The following SH3RF3 variants were observed in gnomAD, a reference collection of about 807,000 sequenced individuals.
SH3RF3 encodes the protein E3 ubiquitin-protein ligase SH3RF3.
SH3RF3 carries 29 observed loss-of-function variants against 66.3 expected under a neutral mutation model. The ratio of observed to expected loss-of-function variants is 0.44; its 90% CI spans 0.33 to 0.60. The LOEUF (loss-of-function observed/expected upper bound fraction) is 0.60, where lower values mean the gene tolerates loss of function less well. SH3RF3 is among the 20% of genes least tolerant of loss of function. SH3RF3 has a pLI of 0.04. For synonymous variants in SH3RF3, 583 were observed against 532.0 expected, an observed-to-expected ratio of 1.10 and a Z score of -1.32; for missense variants, 1,194 against 1,190.9, an observed-to-expected ratio of 1.00 and a Z score of -0.04.
chr2:109,188,195 C>G (rs545105228), intron 1 of SH3RF3, among the ~76,000 whole-genome samples: 1 of 152,228 alleles, frequency 6.6e-6, no homozygotes, highest in Non-Finnish European at 1.5e-5. Flanking sequence ...TCCCTGGGCC[C>G]GAAGGGCTTT....
At chr2:109,487,436 T>C (rs1679013776) in intron 8 of SH3RF3, among the ~76,000 whole-genome samples, 1 of 152,232 alleles carries the variant, frequency 6.6e-6, no homozygotes, top group African/African-American at 2.4e-5. Flanking sequence ...TGGTAATAAC[T>C]GATGCTTAAG....
chr2:109,436,907 G>T lies in SH3RF3; in HGVS notation c.1589G>T (p.Gly530Val). 6.2e-7 allele frequency: 1 copy of T among 1,613,448 alleles called. No homozygotes were observed. Among genetic ancestry groups the T allele is most frequent in the Non-Finnish European group, 8.5e-7 (1 of 1,179,842 alleles). ...VTPVSRVPAGGAGPPRNNVVG... is the reference protein window; with the variant it reads ...VTPVSRVPAGVAGPPRNNVVG... ...TCTCTCCACAGGGTGCCTGCAGGAG[G>T]GGCAGGGCCGCCCCGGAATAATGTA... The change falls in exon 7 of 10, where the codon GGG becomes GTG. Residue 530 changes from glycine (G) to valine (V), a missense_variant. By Grantham distance (109) the Gly-to-Val change is moderately radical. Coordinates refer to ENST00000309415, the MANE Select transcript of SH3RF3 (RefSeq NM_001099289.3).
At chr2:109,393,006 G>A (rs973165656) in intron 3 of SH3RF3, among the ~76,000 whole-genome samples, 4 of 152,168 alleles carry the variant, frequency 2.6e-5, no homozygotes, top group African/African-American at 4.8e-5. Context: ...GAAGAATGAC[G>A]TGTTTTACAA....
chr2:109,331,135 G>A (rs1315644436), intron 1 of SH3RF3, among the ~76,000 whole-genome samples: 2 of 152,156 alleles, frequency 1.3e-5, no homozygotes, highest in Non-Finnish European at 2.9e-5. Flanking sequence ...ACTCAAAAGC[G>A]GTTTCATTCT....
intron 1 of SH3RF3, among the ~76,000 whole-genome samples, chr2:109,167,520 AT>A (rs1397918262): frequency 1.3e-5 from 2 of 152,132 alleles, no homozygotes; most frequent in African/African-American, 2.4e-5. Context: ...TTCCCCAGTC[AT>A]CCCCCATTGG....
At chr2:109,304,871 T>G (rs1177366099) in intron 1 of SH3RF3, among the ~76,000 whole-genome samples, 1 of 152,150 alleles carries the variant, frequency 6.6e-6, no homozygotes, top group African/African-American at 2.4e-5. Flanking sequence ...AGAGCCACCT[T>G]AGAAGACATG....
At position 109,401,348 on chromosome 2, in the gene SH3RF3, C is replaced by A. The variant is rs531596043; in HGVS notation, c.1299+2405C>A. ...CCCTAAGAAGAGGACTGAGGAGCAG[C>A]GGCCTGGCCCTTGTGGACCACTTGG... On this transcript the variant is annotated intron_variant, in intron 4 of 9. Transcript: ENST00000309415. Among the ~76,000 whole-genome samples, 9 of 152,322 alleles carry A rather than the reference C, an allele frequency of 5.9e-5. No homozygotes were observed. The South Asian group carries it at 1.5e-3, about 25-fold the overall frequency.
At chr2:109,415,445 C>T (rs753994214) in intron 4 of SH3RF3, among the ~76,000 whole-genome samples, 3 of 152,172 alleles carry the variant, frequency 2.0e-5, no homozygotes, top group Non-Finnish European at 4.4e-5. Flanking sequence ...CTGCACAGGG[C>T]GAGTGCTACC....
intron 1 of SH3RF3, among the ~76,000 whole-genome samples, chr2:109,236,226 A>G (rs369698474): frequency 7.2e-5 from 11 of 152,240 alleles, no homozygotes; most frequent in African/African-American, 2.4e-4. Context: ...ACAATGTAAT[A>G]TACTTGCCTT....
intron 5 of SH3RF3, among the ~76,000 whole-genome samples, chr2:109,421,022 C>T (rs191637872): frequency 6.6e-6 from 1 of 152,310 alleles, no homozygotes; most frequent in Admixed American, 6.5e-5. Flanking sequence ...TTTTCACCAG[C>T]ACTGGACAAA....
At chr2:109,161,720 T>C (rs1306041121) in intron 1 of SH3RF3, among the ~76,000 whole-genome samples, 2 of 151,824 alleles carry the variant, frequency 1.3e-5, no homozygotes, top group Non-Finnish European at 2.9e-5. Context: ...GAGCAGGACA[T>C]GCCAGGCTTT....
chr2:109,371,886 G>A (rs762837355), intron 3 of SH3RF3, among the ~76,000 whole-genome samples: 11 of 152,292 alleles, frequency 7.2e-5, no homozygotes, highest in Middle Eastern at 6.8e-3. Context: ...AGTTTTGAGT[G>A]GCTGGTCCCA....
At chr2:109,333,480 C>T (rs1682334203) in intron 1 of SH3RF3, among the ~76,000 whole-genome samples, 1 of 152,198 alleles carries the variant, frequency 6.6e-6, no homozygotes, top group African/African-American at 2.4e-5. Context: ...TCACAGTCTA[C>T]AAAGTGAGGT....
intron 1 of SH3RF3, among the ~76,000 whole-genome samples, chr2:109,318,412 G>C (rs1201061187): frequency 6.6e-6 from 1 of 152,156 alleles, no homozygotes; most frequent in Admixed American, 6.5e-5. Flanking sequence ...AGCGCCAGAA[G>C]ATTAGGAGGG....
At chr2:109,318,465 A>G (rs1242256921) in intron 1 of SH3RF3, among the ~76,000 whole-genome samples, 2 of 152,210 alleles carry the variant, frequency 1.3e-5, no homozygotes, top group Non-Finnish European at 2.9e-5. Context: ...GGCTCTCGGC[A>G]TACGCGTTTA....
chr2:109,240,914 T>A (rs1679765693), intron 1 of SH3RF3, among the ~76,000 whole-genome samples: 1 of 138,352 alleles, frequency 7.2e-6, no homozygotes, highest in Non-Finnish European at 1.5e-5. Flanking sequence ...TGCTCCCCGC[T>A]TCTTTTCTCA....
At chr2:109,347,631 G>C (rs370722614) in intron 1 of SH3RF3, 43 bp from the exon 2 acceptor site, 2 of 1,594,372 alleles carry the variant, frequency 1.3e-6, no homozygotes, top group African/African-American at 1.3e-5. Flanking sequence ...GGGGCATTGG[G>C]AAGGGGCATG....
chr2:109,423,390 G>A (rs116708490), intron 5 of SH3RF3, among the ~76,000 whole-genome samples: 1,688 of 152,218 alleles, frequency 0.011, 17 homozygotes, highest in Non-Finnish European at 0.018. Flanking sequence ...TCATGACCCC[G>A]CTGCCATTTG....
At chr2:109,242,688 A>G (rs942608281) in intron 1 of SH3RF3, among the ~76,000 whole-genome samples, 35 of 152,324 alleles carry the variant, frequency 2.3e-4, no homozygotes, top group African/African-American at 8.4e-4. Flanking sequence ...CCAGACAGTC[A>G]GGACACATTT....
Sources: gnomAD v4.1 joint callset for allele counts (sites outside exome capture counted in the v4.1 genomes callset) on GRCh38, gnomAD v4.1.1 for gene constraint, MANE v1.5 for transcripts, NCBI Gene and HGNC (gene_info 2026-07-23, HGNC 2026-07-21) for gene names.